Variants in GBE1 observed in about 807,000 individuals in gnomAD.
GBE1 encodes the protein 1,4-alpha-glucan branching enzyme 1.
In GBE1, 70 loss-of-function variants were observed where a neutral mutation model predicts 88.8. The ratio of observed to expected loss-of-function variants is 0.79; its 90% CI spans 0.65 to 0.96. The LOEUF (loss-of-function observed/expected upper bound fraction) is 0.96. Ranked by LOEUF, GBE1 falls within the 40% of genes least tolerant of loss-of-function variation. GBE1 has a pLI of 0.00. For missense variants in GBE1, 872 were observed against 871.0 expected (o/e 1.00, Z -0.01); for synonymous variants, 284 against 300.1 (o/e 0.95, Z 0.56).
intron 1 of GBE1, among the ~76,000 whole-genome samples, chr3:81,723,471 A>G (rs1706065438): frequency 6.6e-6 from 1 of 152,140 alleles, no homozygotes; most frequent in African/African-American, 2.4e-5. Context: ...ACTACCACAG[A>G]AAGGACAGTA....
At chr3:81,647,323 A>C (rs1704779696) in intron 5 of GBE1, among the ~76,000 whole-genome samples, 2 of 152,304 alleles carry the variant, frequency 1.3e-5, no homozygotes, top group South Asian at 4.1e-4. Flanking sequence ...TTGCACCTAA[A>C]AAATTATTTC....
At chr3:81,578,208 G>A (rs1269783866) in intron 11 of GBE1, 112 bp from the exon 12 acceptor site, 4 of 718,494 alleles carry the variant, frequency 5.6e-6, no homozygotes, top group Non-Finnish European at 8.6e-6. Flanking sequence ...TAGAAGAGGT[G>A]TGTAGATTAA....
chr3:81,757,001 A>G (rs1417016096), intron 1 of GBE1, among the ~76,000 whole-genome samples: 2 of 152,232 alleles, frequency 1.3e-5, no homozygotes. Context: ...TCTGATAAAG[A>G]TTAGAAAATT....
intron 1 of GBE1, among the ~76,000 whole-genome samples, chr3:81,719,454 T>C (rs999193667): frequency 6.6e-6 from 1 of 151,948 alleles, no homozygotes; most frequent in Non-Finnish European, 1.5e-5. Flanking sequence ...TGACCTCAAG[T>C]GATTCACCTG....
At chr3:81,752,657 A>C in intron 1 of GBE1, among the ~76,000 whole-genome samples, 1 of 152,182 alleles carries the variant, frequency 6.6e-6, no homozygotes. Context: ...TAAATTAAGG[A>C]TCAAAGTTTA....
At chr3:81,641,996 C>T (rs1704688774) in intron 7 of GBE1, among the ~76,000 whole-genome samples, 1 of 150,356 alleles carries the variant, frequency 6.7e-6, no homozygotes. Flanking sequence ...TTACTTGATA[C>T]TTTGCTTTTA....
intron 1 of GBE1, among the ~76,000 whole-genome samples, chr3:81,758,494 C>G (rs1424309476): frequency 6.6e-6 from 1 of 152,208 alleles, no homozygotes; most frequent in Non-Finnish European, 1.5e-5. Flanking sequence ...TGTTTCAAAA[C>G]AAATCCTTCA....
At chr3:81,549,354 G>A (rs1383399755) in intron 12 of GBE1, among the ~76,000 whole-genome samples, 3 of 151,484 alleles carry the variant, frequency 2.0e-5, no homozygotes, top group Non-Finnish European at 4.4e-5. Context: ...TGGTAATACA[G>A]TTATTTGCAT....
intron 15 of GBE1, among the ~76,000 whole-genome samples, chr3:81,491,182 C>T (rs1257798461): frequency 1.3e-5 from 2 of 152,158 alleles, no homozygotes; most frequent in African/African-American, 2.4e-5. Flanking sequence ...TTGCTGGTTC[C>T]TTATCTCTTG....
intron 1 of GBE1, among the ~76,000 whole-genome samples, chr3:81,734,900 A>G (rs1373995104): frequency 2.0e-5 from 3 of 152,190 alleles, no homozygotes; most frequent in South Asian, 2.1e-4. Flanking sequence ...GTAAACATTC[A>G]TAAGTTTTAA....
intron 10 of GBE1, 36 bp from the exon 11 acceptor site, chr3:81,581,311 A>T (rs1703727674): frequency 8.6e-7 from 1 of 1,157,164 alleles, no homozygotes; most frequent in South Asian, 1.5e-5. Flanking sequence ...TTCTGAGTAA[A>T]GCATTATTTT....
intron 10 of GBE1, among the ~76,000 whole-genome samples, chr3:81,583,359 G>A (rs1703759532): frequency 1.3e-5 from 2 of 152,086 alleles, no homozygotes; most frequent in South Asian, 2.1e-4. Context: ...TTCAGTAATT[G>A]TAGTGTTTGA....
At chr3:81,587,024 G>A (rs912606451) in intron 9 of GBE1, among the ~76,000 whole-genome samples, 31 of 151,902 alleles carry the variant, frequency 2.0e-4, no homozygotes, top group South Asian at 8.3e-4. Context: ...ACTCCTGACC[G>A]TTCGAGACGG....
chr3:81,725,607 CATTATT>C (rs1304190225), intron 1 of GBE1, among the ~76,000 whole-genome samples: 1 of 152,102 alleles, frequency 6.6e-6, no homozygotes, highest in East Asian at 1.9e-4. Flanking sequence ...CATGTATTAT[CATTATT>C]AAGCAGTATA....
chr3:81,707,702 T>C (rs191325880), intron 1 of GBE1, among the ~76,000 whole-genome samples: 7 of 152,210 alleles, frequency 4.6e-5, no homozygotes, highest in African/African-American at 1.7e-4. Context: ...TTATACTTTT[T>C]AATTTCTTTA....
chr3:81,637,506 A>G (rs1056008947), intron 7 of GBE1, among the ~76,000 whole-genome samples: 1 of 152,164 alleles, frequency 6.6e-6, no homozygotes, highest in Non-Finnish European at 1.5e-5. Flanking sequence ...AAAATGCAGC[A>G]TAGTATATGT....
In GBE1 at chr3:81,581,649, A is replaced by T. The variant is rs535203441; in HGVS notation, c.1336-374T>A. Among the ~76,000 whole-genome samples, 5 of 152,182 alleles carry T rather than the reference A, an allele frequency of 3.3e-5. No homozygotes were observed. In the South Asian group the frequency reaches 1.0e-3, roughly 32 times the overall value. The stretch of plus-strand genomic sequence containing the variant: ...TATAACTTGTACATGGTAGAGATAC[A>T]CTTGTTATATTTATTTGTTTATATG... On this transcript the variant is annotated intron_variant, in intron 10 of 15. Transcript: ENST00000429644.
chr3:81,761,291 G>A, intron 1 of GBE1, 84 bp downstream of exon 1: 3 of 1,494,820 alleles, frequency 2.0e-6, no homozygotes, highest in Non-Finnish European at 2.7e-6. Flanking sequence ...GGCGCGCGAG[G>A]GCCGAGGGGC....
At chr3:81,707,433 T>C (rs573417157) in intron 1 of GBE1, among the ~76,000 whole-genome samples, 1 of 152,056 alleles carries the variant, frequency 6.6e-6, no homozygotes, top group South Asian at 2.1e-4. Context: ...CTACTTTCCA[T>C]TTTTCTAAAT....
Sources: gnomAD v4.1 joint callset for allele counts (sites outside exome capture counted in the v4.1 genomes callset) on GRCh38, gnomAD v4.1.1 for gene constraint, MANE v1.5 for transcripts, NCBI Gene and HGNC (gene_info 2026-07-23, HGNC 2026-07-21) for gene names.